RNF24: variants seen among roughly 807,000 people sequenced by gnomAD.
RNF24 encodes ring finger protein 24.
RNF24 carries 14 observed loss-of-function variants against 20.0 expected under a neutral mutation model. That is an observed-to-expected ratio of 0.70 (90% CI 0.46 to 1.10). The LOEUF is 1.10. Ranked by LOEUF, RNF24 falls within the 50% of genes least tolerant of loss-of-function variation. The pLI, the probability that RNF24 is intolerant of heterozygous loss-of-function variation, is 0.00. For missense variants in RNF24, 124 were observed against 177.6 expected, an observed-to-expected ratio of 0.70 and a Z score of 1.71; for synonymous variants, 45 against 61.1, an observed-to-expected ratio of 0.74 and a Z score of 1.23.
chr20:3,950,132 T>C (rs971155020), intron 2 of RNF24, among the ~76,000 whole-genome samples: 1 of 146,622 alleles, frequency 6.8e-6, no homozygotes, highest in Non-Finnish European at 1.5e-5. Flanking sequence ...TTCTGCTCCA[T>C]TGGTCTATTT....
At chr20:3,943,301 ATT>A (rs562360151) in intron 4 of RNF24, among the ~76,000 whole-genome samples, 6 of 145,550 alleles carry the variant, frequency 4.1e-5, no homozygotes, top group Non-Finnish European at 3.0e-5. Context: ...TCCCAGCAGG[ATT>A]TTTTTTTTTT....
At chr20:3,967,752 T>C (rs976991825) in intron 1 of RNF24, among the ~76,000 whole-genome samples, 3 of 152,050 alleles carry the variant, frequency 2.0e-5, no homozygotes, top group Non-Finnish European at 4.4e-5. Context: ...TCCCAGCACT[T>C]TGGGAGGCTG....
intron 1 of RNF24, among the ~76,000 whole-genome samples, chr20:4,004,177 A>G (rs865952363): frequency 6.6e-6 from 1 of 152,144 alleles, no homozygotes; most frequent in African/African-American, 2.4e-5. Context: ...GCTATCCCCA[A>G]CTATCTCATA....
chr20:3,973,735 A>C (rs1219750811), intron 1 of RNF24, among the ~76,000 whole-genome samples: 1 of 152,164 alleles, frequency 6.6e-6, no homozygotes, highest in East Asian at 1.9e-4. Flanking sequence ...ACTATCAAAG[A>C]AACTGAATTA....
intron 2 of RNF24, among the ~76,000 whole-genome samples, chr20:3,954,355 T>C (rs909172080): frequency 1.3e-5 from 2 of 152,252 alleles, no homozygotes; most frequent in African/African-American, 4.8e-5. Flanking sequence ...GCCTTTTGTG[T>C]ATGGCTTTCC....
intron 1 of RNF24, among the ~76,000 whole-genome samples, chr20:3,979,211 G>A (rs1222737700): frequency 6.6e-6 from 1 of 151,654 alleles, no homozygotes; most frequent in Non-Finnish European, 1.5e-5. Context: ...CTTTTCATAT[G>A]AATCTGGAAC....
intron 1 of RNF24, among the ~76,000 whole-genome samples, chr20:3,983,674 C>T (rs906024861): frequency 6.6e-6 from 1 of 152,084 alleles, no homozygotes; most frequent in Non-Finnish European, 1.5e-5. Context: ...GGCGTCGTGG[C>T]TCACACCTGT....
At chr20:4,003,055 T>C (rs929185517) in intron 1 of RNF24, among the ~76,000 whole-genome samples, 48 of 152,214 alleles carry the variant, frequency 3.2e-4, no homozygotes, top group African/African-American at 1.1e-3. Context: ...CTGCAACCTC[T>C]GCCGCCCGGG....
chr20:3,936,561 TA>T (rs2090893519), intron 4 of RNF24, among the ~76,000 whole-genome samples: 1 of 152,190 alleles, frequency 6.6e-6, no homozygotes, highest in Non-Finnish European at 1.5e-5. Context: ...TGGGTAAAGG[TA>T]AAAATCCAGC....
chr20:3,962,954 G>C (rs1442255177), intron 2 of RNF24, among the ~76,000 whole-genome samples: 1 of 151,896 alleles, frequency 6.6e-6, no homozygotes. Context: ...GCCCACCTCA[G>C]CCTCCCAGTG....
At chr20:3,935,626 C>T (rs973880422) in intron 4 of RNF24, among the ~76,000 whole-genome samples, 3 of 152,256 alleles carry the variant, frequency 2.0e-5, no homozygotes, top group African/African-American at 7.2e-5. Flanking sequence ...TTACTGAAGA[C>T]TCAGTTAACT....
At chr20:4,004,053 C>T (rs556611343) in intron 1 of RNF24, among the ~76,000 whole-genome samples, 18 of 152,164 alleles carry the variant, frequency 1.2e-4, no homozygotes, top group Non-Finnish European at 1.6e-4. Context: ...ACTTTTCATC[C>T]TCATTCTCCA....
chr20:3,936,176 G>C (rs190531686), intron 4 of RNF24, among the ~76,000 whole-genome samples: 1 of 152,320 alleles, frequency 6.6e-6, no homozygotes, highest in Admixed American at 6.5e-5. Flanking sequence ...TCAGGGCCTT[G>C]TGTGTATGAC....
chr20:4,004,906 C>G (rs1185297609), intron 1 of RNF24, among the ~76,000 whole-genome samples: 2 of 152,200 alleles, frequency 1.3e-5, no homozygotes, highest in Non-Finnish European at 2.9e-5. Context: ...TCTGCAGGAG[C>G]ATCAGAAGAG....
intron 1 of RNF24, among the ~76,000 whole-genome samples, chr20:3,989,376 AG>A (rs1184768823): frequency 6.6e-6 from 1 of 152,016 alleles, no homozygotes; most frequent in African/African-American, 2.4e-5. Flanking sequence ...CTGTAGTCCC[AG>A]GTACTCGGGA....
rs147936267 is a variant in RNF24, at chr20:4,011,143, G to T, written c.-8+4294C>A. ...ATCCTAAAATCTTTCAGAGTGGGAA[G>T]AAAAAGGGAATGAGGATTAAAATGA... On this transcript the variant is annotated intron_variant, in intron 1 of 5. Transcript: ENST00000358395. Among the ~76,000 whole-genome samples the T allele has an allele frequency of 1.4e-3, 219 of 152,254 alleles. 1 individual carries two copies. The highest frequency in any genetic ancestry group is 5.1e-3 in the African/African-American group (213 of 41,562).
chr20:4,013,536 A>C (rs1982631309), intron 1 of RNF24, among the ~76,000 whole-genome samples: 1 of 152,164 alleles, frequency 6.6e-6, no homozygotes, highest in South Asian at 2.1e-4. Context: ...GCTGGAATGC[A>C]ATGGCGCGAT....
chr20:3,974,107 AAAG>A (rs1254162331), intron 1 of RNF24, among the ~76,000 whole-genome samples: 6 of 152,088 alleles, frequency 3.9e-5, no homozygotes, highest in South Asian at 2.1e-4. Context: ...TTAAATGGCT[AAAG>A]AAGAAAAATC....
chr20:3,934,374 A>G lies in RNF24; in HGVS notation c.309-173T>C, dbSNP rs1007532096. Reference sequence around the variant, plus strand: ...CCCTGGAGAGAGGGAAGAGACAGAGAGAAGGAGTGGGGAGAGGCCAAGGGG... The same window carrying G: ...CCCTGGAGAGAGGGAAGAGACAGAGGGAAGGAGTGGGGAGAGGCCAAGGGG... On this transcript the variant is annotated intron_variant, in intron 5 of 5. Coordinates refer to ENST00000358395, the MANE Select transcript of RNF24 (RefSeq NM_001134337.3). This position sits in a 1 kb window ranked among gnomAD's most constrained non-coding sequence, Gnocchi z 4.0. Among the ~76,000 whole-genome samples the G allele has an allele frequency of 1.3e-5, 2 of 152,006 alleles. No homozygotes were observed. Among genetic ancestry groups the G allele is most frequent in the Non-Finnish European group, 2.9e-5 (2 of 68,014 alleles).
Sources: gnomAD v4.1 joint callset for allele counts (sites outside exome capture counted in the v4.1 genomes callset) on GRCh38, gnomAD v4.1.1 for gene constraint, Gnocchi (gnomAD v3.1) non-coding constraint, MANE v1.5 for transcripts, NCBI Gene and HGNC (gene_info 2026-07-23, HGNC 2026-07-21) for gene names.